Variants in SLC1A5 observed in about 807,000 individuals in gnomAD.
SLC1A5 encodes the protein solute carrier family 1 member 5.
In SLC1A5, 25 loss-of-function variants were observed where a neutral mutation model predicts 34.9. That is an observed-to-expected ratio of 0.72 (90% CI 0.52 to 1.00). The LOEUF (loss-of-function observed/expected upper bound fraction) is 1.00, where lower values mean the gene tolerates loss of function less well. Ranked by LOEUF, SLC1A5 falls within the 50% of genes least tolerant of loss-of-function variation. The pLI, the probability that SLC1A5 is intolerant of heterozygous loss-of-function variation, is 0.00. For missense variants in SLC1A5, 637 were observed against 740.0 expected (o/e 0.86, Z 1.61); for synonymous variants, 351 against 341.2 (o/e 1.03, Z -0.32).
chr19:46,784,244 T>G lies in SLC1A5; in HGVS notation c.610-100A>C, dbSNP rs557178259. On this transcript the variant is annotated intron_variant, in intron 2 of 7. Coordinates refer to ENST00000542575, the MANE Select transcript of SLC1A5 (RefSeq NM_005628.3). Reference sequence around the variant, plus strand: ...TCAAAGCCTGCCCTTCCACATCCTTTCAATGTGATCTCATTTCATCTGCTG... The same window carrying G: ...TCAAAGCCTGCCCTTCCACATCCTTGCAATGTGATCTCATTTCATCTGCTG... 5.3e-6 allele frequency: 5 copies of G among 945,734 alleles called. No homozygotes were observed. In the African/African-American group the frequency reaches 8.1e-5, roughly 15 times the overall value. 58.6% of individuals were successfully genotyped at this position (945,734 alleles called of 1,614,324 possible). A position where few individuals can be genotyped will look rare whatever the true frequency, so the allele number is the denominator to read the frequency against.
Position 46,788,200 on chromosome 19 carries a change from C to G in SLC1A5, c.-235G>C. ...GGCTTCTCTGCTCTGCCCCGTGTGC[C>G]AGATGTCCGAAAGCTGGGAGTTCGG... On this transcript the variant is annotated 5_prime_UTR_variant, in exon 1 of 8. Transcript: ENST00000542575. 1 of 479,066 alleles carries G rather than the reference C, an allele frequency of 2.1e-6. No individual in the cohort carries two copies. Among genetic ancestry groups the G allele is most frequent in the Admixed American group, 4.0e-5 (1 of 25,090 alleles). 29.7% of individuals were successfully genotyped at this position (479,066 alleles called of 1,614,324 possible). A position where few individuals can be genotyped will look rare whatever the true frequency, so the allele number is the denominator to read the frequency against.
rs1221889011 is a variant in SLC1A5 at position 46,787,783 on chromosome 19, G to T, written c.183C>A (p.Ala61=). Residue 61 remains alanine (A), a synonymous_variant, in exon 1 of 8, where the codon GCC becomes GCA. Transcript: ENST00000542575. The surrounding 1 kb of genome is among the most constrained non-coding windows in gnomAD (Gnocchi z 5.2). ...GTCCCAGCGCCACGCCGGCCACCACGGCCACCACTGTCAGCAGCACAAGCA... is the reference window on the plus strand; with the variant it reads ...GTCCCAGCGCCACGCCGGCCACCACTGCCACCACTGTCAGCAGCACAAGCA... ...ANLLVLLTVV[A]VVAGVALGLG... is the part of the protein sequence containing the mutation. The T allele has an allele frequency of 6.5e-7, 1 of 1,550,108 alleles. No individual in the cohort carries two copies. Among genetic ancestry groups the T allele is most frequent in the South Asian group, 1.2e-5 (1 of 84,700 alleles).
Position 46,778,783 on chromosome 19 carries a change from C to T in SLC1A5, c.950G>A (p.Gly317Glu). Residue 317 changes from glycine (G) to glutamate (E), a missense_variant, in exon 5 of 8, where the codon GGG (glycine) becomes GAG (glutamate). By Grantham distance (98) the Gly-to-Glu change is moderately conservative (BLOSUM62 -2). Coordinates refer to ENST00000542575, the MANE Select transcript of SLC1A5 (RefSeq NM_005628.3). The stretch of plus-strand genomic sequence containing the variant: ...GTAGATGAGGGGCAGTACCAGGAGC[C>T]CATGGATGGCGTGACCCAGCAGGCA... ...LCCLLGHAIH[G>E]LLVLPLIYFL... 1 of 1,613,886 alleles carries T rather than the reference C, an allele frequency of 6.2e-7. No homozygotes were observed.
rs748712989 is a variant in SLC1A5 at position 46,777,374 on chromosome 19, C to T, written c.1090G>A (p.Val364Met). ...SATLPLMMKC[V>M]EENNGVAKHI... ...TTGGCCACGCCATTATTCTCCTCCA[C>T]GCACTTCATCATCAGCGGCAGCGTG... The change falls in exon 6 of 8, where the codon GTG becomes ATG. Residue 364 changes from valine (V) to methionine (M), a missense_variant. Transcript: ENST00000542575. The T allele has an allele frequency of 8.1e-6, 13 of 1,612,022 alleles. No individual in the cohort carries two copies. The highest frequency in any genetic ancestry group is 3.3e-4 in the Middle Eastern group (2 of 6,082).
At chr19:46,776,031 A>G (rs1318076993) in intron 7 of SLC1A5, among the ~76,000 whole-genome samples, 1 of 151,884 alleles carries the variant, frequency 6.6e-6, no homozygotes, top group Admixed American at 6.6e-5. Flanking sequence ...CAGTGATCAC[A>G]ACCATGATCA....
chr19:46,786,167 T>A (rs2055184718), intron 1 of SLC1A5, among the ~76,000 whole-genome samples: 1 of 152,102 alleles, frequency 6.6e-6, no homozygotes, highest in South Asian at 2.1e-4. Context: ...GCTGGTGGCA[T>A]CACTGAATGG....
chr19:46,783,664 T>C (rs2055164999), intron 3 of SLC1A5, among the ~76,000 whole-genome samples: 1 of 151,954 alleles, frequency 6.6e-6, no homozygotes, highest in African/African-American at 2.4e-5. Context: ...AGGTGTGTTA[T>C]AGTCACAGCT....
intron 7 of SLC1A5, 109 bp downstream of exon 7, chr19:46,776,866 T>C (rs2055093967): frequency 4.0e-6 from 5 of 1,240,918 alleles, no homozygotes; most frequent in Non-Finnish European, 5.6e-6. Flanking sequence ...CCAGAATTCC[T>C]TCCTTCTTCT....
Position 46,784,150 on chromosome 19 carries a change from G to T in SLC1A5, c.610-6C>A. 6.2e-7 allele frequency: 1 copy of T among 1,611,018 alleles called. No homozygotes were observed. Among genetic ancestry groups the T allele is most frequent in the Non-Finnish European group, 8.5e-7 (1 of 1,177,376 alleles). On this transcript the variant is annotated splice_region_variant and splice_polypyrimidine_tract_variant and intron_variant, in intron 2 of 7. Transcript: ENST00000542575. ...TCTTCATAGGTGGTAGAGTACTGTA[G>T]GTGGGGTTGGGAAGAGTCAGTGTCC...
intron 4 of SLC1A5, 35 bp from the exon 5 acceptor site, chr19:46,778,943 T>C (rs1179308967): frequency 6.7e-7 from 1 of 1,482,094 alleles, no homozygotes; most frequent in Non-Finnish European, 9.1e-7. Context: ...TTGTTGCCTC[T>C]TCCACGGGCC....
chr19:46,784,945 T>C, intron 1 of SLC1A5: 1 of 1,162,210 alleles, frequency 8.6e-7, no homozygotes, highest in Non-Finnish European at 1.1e-6. Context: ...CCAGCGGCTC[T>C]GAGAGTATGG....
intron 5 of SLC1A5, 25 bp downstream of exon 5, chr19:46,778,650 A>AACCCCCC: frequency 4.7e-6 from 3 of 641,662 alleles, no homozygotes; most frequent in East Asian, 3.5e-5. Flanking sequence ...TAAACATCCC[A>AACCCCCC]CCCTAGCCCA....
intron 5 of SLC1A5, among the ~76,000 whole-genome samples, chr19:46,777,680 C>A (rs1450190833): frequency 8.4e-6 from 1 of 119,758 alleles, no homozygotes; most frequent in Non-Finnish European, 1.8e-5. Context: ...CCACCCAGAT[C>A]CCGCCCATAC....
At chr19:46,777,956 A>G (rs750818240) in intron 5 of SLC1A5, among the ~76,000 whole-genome samples, 12 of 152,200 alleles carry the variant, frequency 7.9e-5, no homozygotes, top group Non-Finnish European at 1.5e-4. Context: ...AGTATAGACT[A>G]CTACCTCCCA....
intron 4 of SLC1A5, among the ~76,000 whole-genome samples, chr19:46,781,165 G>A (rs571599286): frequency 1.3e-5 from 2 of 152,270 alleles, no homozygotes; most frequent in South Asian, 2.1e-4. Context: ...GATTCCTCAC[G>A]GGAATGCTGG....
At chr19:46,782,346 A>ACCCCCCCCCCCCCCCCCCCCCCCTCCC in intron 4 of SLC1A5, 37 bp downstream of exon 4, 1 of 567,986 alleles carries the variant, frequency 1.8e-6, no homozygotes, top group Admixed American at 2.7e-5. Context: ...CGACCCTCCA[A>ACCCCCCCCCCCCCCCCCCCCCCCTCCC]CCCCACCCAC....
At position 46,787,127 on chromosome 19, in the gene SLC1A5, A is replaced by G. The variant is rs1428292162; in HGVS notation, c.566+273T>C. The G allele has an allele frequency of 1.1e-6, 1 of 915,246 alleles. No homozygotes were observed. The highest frequency in any genetic ancestry group is 1.5e-6 in the Non-Finnish European group (1 of 671,702). 56.7% of individuals were successfully genotyped at this position (915,246 alleles called of 1,614,324 possible). On this transcript the variant is annotated intron_variant, in intron 1 of 7. Transcript: ENST00000542575. This position sits in a 1 kb window ranked among gnomAD's most constrained non-coding sequence, Gnocchi z 5.2. ...CCTCCCCTCAGTGTCTTTCTCCCCT[A>G]GGCAGACCCTCCTATGTCTCCCCAA...
chr19:46,782,245 G>A, intron 4 of SLC1A5, 138 bp downstream of exon 4: 1 of 668,084 alleles, frequency 1.5e-6, no homozygotes. Context: ...GGTCAATGCT[G>A]GATTTAAATG....
chr19:46,782,373 C>CA lies in SLC1A5; in HGVS notation c.824+9dup. 6.2e-7 allele frequency: 1 copy of CA among 1,602,348 alleles called. No individual in the cohort carries two copies. The highest frequency in any genetic ancestry group is 8.5e-7 in the Non-Finnish European group (1 of 1,172,304). On this transcript the variant is annotated intron_variant, in intron 4 of 7. Transcript: ENST00000542575. ...CCCACCCACCCCCAGCCTCCTCTCC[C>CA]ACCACCTACCACATGATCCAGGAGA...
Sources: allele counts gnomAD v4.1 joint callset (sites outside exome capture counted in the v4.1 genomes callset), GRCh38; gene constraint gnomAD v4.1.1; non-coding constraint Gnocchi (gnomAD v3.1); transcripts MANE v1.5; gene names NCBI Gene and HGNC (gene_info 2026-07-23, HGNC 2026-07-21).